Variants in TBXAS1 observed in about 807,000 individuals in gnomAD.
The protein encoded by TBXAS1 is thromboxane A synthase 1.
In TBXAS1, 48 loss-of-function variants were observed where a neutral mutation model predicts 60.7. That is an observed-to-expected ratio of 0.79 (90% CI 0.63 to 1.01). The LOEUF (loss-of-function observed/expected upper bound fraction) is 1.01. Ranked by LOEUF, TBXAS1 falls within the 50% of genes least tolerant of loss-of-function variation. TBXAS1 has a pLI of 0.00. For synonymous variants in TBXAS1, 287 were observed against 269.7 expected, an observed-to-expected ratio of 1.06 and a Z score of -0.63; for missense variants, 685 against 686.3, an observed-to-expected ratio of 1.00 and a Z score of 0.02.
intron 10 of TBXAS1, among the ~76,000 whole-genome samples, chr7:140,009,384 C>T (rs964346514): frequency 6.6e-6 from 1 of 152,196 alleles, no homozygotes; most frequent in African/African-American, 2.4e-5. Flanking sequence ...GGACACACAC[C>T]TGCTTGGCTG....
At chr7:140,019,272 A>AGCAGAGCCAAACC (rs1368358641) in intron 12 of TBXAS1, among the ~76,000 whole-genome samples, 1 of 152,212 alleles carries the variant, frequency 6.6e-6, no homozygotes, top group African/African-American at 2.4e-5. Context: ...AGATCGGCAG[A>AGCAGAGCCAAACC]GCAGAGCCAA....
intron 9 of TBXAS1, among the ~76,000 whole-genome samples, chr7:139,987,961 T>C (rs747977489): frequency 2.0e-4 from 30 of 152,254 alleles, no homozygotes; most frequent in Non-Finnish European, 4.0e-4. Flanking sequence ...TACCTAGTGT[T>C]ATTAGTATAA....
At chr7:139,957,518 G>A (rs1809960317) in intron 7 of TBXAS1, 116 bp from the exon 8 acceptor site, 1 of 1,395,716 alleles carries the variant, frequency 7.2e-7, no homozygotes, top group African/African-American at 1.4e-5. Flanking sequence ...GGGGAGGGCA[G>A]GACTCCAAAA....
intron 1 of TBXAS1, among the ~76,000 whole-genome samples, chr7:139,855,832 T>C (rs9886217): frequency 0.14 from 20,777 of 152,172 alleles, 3,920 homozygotes; most frequent in African/African-American, 0.43. Flanking sequence ...CTCATTCTTC[T>C]TGAACTTGAG....
At chr7:139,836,035 A>AAAAT (rs201367497) in intron 1 of TBXAS1, among the ~76,000 whole-genome samples, 2,862 of 140,364 alleles carry the variant, frequency 0.02, 21 homozygotes, top group South Asian at 0.035. Flanking sequence ...AATAGCTGCA[A>AAAAT]AAATAAATAA....
chr7:139,789,577 C>T (rs1411927360), intron 4 of TBXAS1: 1 of 151,756 alleles, frequency 6.6e-6, no homozygotes, highest in African/African-American at 2.4e-5. Context: ...GATATCTGAC[C>T]CAACGGCTAG....
At chr7:139,869,892 G>C (rs546307565) in intron 1 of TBXAS1, among the ~76,000 whole-genome samples, 3 of 152,306 alleles carry the variant, frequency 2.0e-5, no homozygotes, top group East Asian at 3.9e-4. Context: ...TGAGACCAGA[G>C]GGTATGAAAC....
intron 1 of TBXAS1, among the ~76,000 whole-genome samples, chr7:139,779,261 C>T (rs1357905689): frequency 6.6e-6 from 1 of 152,200 alleles, no homozygotes; most frequent in Non-Finnish European, 1.5e-5. Context: ...CCTCCGTTCC[C>T]ATCCTTCAGT....
chr7:139,926,661 T>C (rs747596544), intron 4 of TBXAS1, among the ~76,000 whole-genome samples: 8 of 152,098 alleles, frequency 5.3e-5, no homozygotes, highest in Non-Finnish European at 7.4e-5. Context: ...TCTTTTTTTT[T>C]CTACTAACTT....
At chr7:139,858,267 C>T (rs764146399) in intron 1 of TBXAS1, among the ~76,000 whole-genome samples, 3 of 152,200 alleles carry the variant, frequency 2.0e-5, no homozygotes, top group Non-Finnish European at 4.4e-5. Context: ...CCAGCTTTGA[C>T]ACCTCTGTTC....
At chr7:139,932,847 A>T (rs915573800) in intron 4 of TBXAS1, among the ~76,000 whole-genome samples, 11 of 152,154 alleles carry the variant, frequency 7.2e-5, no homozygotes, top group Non-Finnish European at 2.9e-5. Flanking sequence ...TCTTGAGGCT[A>T]GGAGTTCAAG....
intron 9 of TBXAS1, among the ~76,000 whole-genome samples, chr7:139,970,379 T>A (rs1254373687): frequency 6.6e-6 from 1 of 152,248 alleles, no homozygotes; most frequent in Admixed American, 6.5e-5. Context: ...AGTGCTGGGA[T>A]TACAGGCGTG....
intron 1 of TBXAS1, among the ~76,000 whole-genome samples, chr7:139,835,223 CG>C (rs1798982998): frequency 6.6e-6 from 1 of 152,076 alleles, no homozygotes; most frequent in Non-Finnish European, 1.5e-5. Context: ...CCCGCCACCA[CG>C]CTGGCTAATT....
intron 5 of TBXAS1, chr7:139,952,634 G>C: frequency 2.0e-6 from 3 of 1,537,216 alleles, no homozygotes; most frequent in Non-Finnish European, 2.6e-6. Flanking sequence ...CCACCCGTTT[G>C]TCGAAGCCGA....
At chr7:139,781,272 C>T (rs1796976809) in intron 2 of TBXAS1, among the ~76,000 whole-genome samples, 1 of 152,146 alleles carries the variant, frequency 6.6e-6, no homozygotes, top group African/African-American at 2.4e-5. Flanking sequence ...CTAATTGTCT[C>T]CTTTCCTTCC....
chr7:139,791,815 T>G (rs1797392875), intron 4 of TBXAS1, among the ~76,000 whole-genome samples: 1 of 151,848 alleles, frequency 6.6e-6, no homozygotes, highest in African/African-American at 2.4e-5. Context: ...TTTGTTTTTT[T>G]TTTTTTTTTC....
chr7:139,984,658 A>G (rs1419547784), intron 9 of TBXAS1, among the ~76,000 whole-genome samples: 4 of 71,476 alleles, frequency 5.6e-5, no homozygotes, highest in Non-Finnish European at 1.3e-4. Context: ...AAGAAAGGGA[A>G]GGGGGAAAGA....
At chr7:139,983,684 A>G (rs1378384615) in intron 9 of TBXAS1, among the ~76,000 whole-genome samples, 5 of 152,196 alleles carry the variant, frequency 3.3e-5, no homozygotes. Flanking sequence ...GTCATCATTC[A>G]GTGTACTGTC....
chr7:139,866,188 C>G (rs993751754), intron 1 of TBXAS1, among the ~76,000 whole-genome samples: 3 of 152,106 alleles, frequency 2.0e-5, no homozygotes, highest in African/African-American at 7.2e-5. Flanking sequence ...TGTTTAAAAC[C>G]AGTGACTCAT....
Sources: gnomAD v4.1 joint callset for allele counts (sites outside exome capture counted in the v4.1 genomes callset) on GRCh38, gnomAD v4.1.1 for gene constraint, MANE v1.5 for transcripts, NCBI Gene and HGNC (gene_info 2026-07-23, HGNC 2026-07-21) for gene names.